The following COL5A3 variants were observed in gnomAD, a reference collection of about 807,000 sequenced individuals.
COL5A3 encodes the protein collagen type V alpha 3 chain.
A neutral mutation model predicts 250.0 loss-of-function variants in COL5A3; 172 were observed. The observed-to-expected ratio is 0.69, with a 90% CI of 0.61 to 0.78. The LOEUF (loss-of-function observed/expected upper bound fraction) is 0.78. Ranked by LOEUF, COL5A3 falls within the 30% of genes least tolerant of loss-of-function variation. The pLI, the probability that COL5A3 is intolerant of heterozygous loss-of-function variation, is 0.00. For missense variants in COL5A3, 2,340 were observed against 2,334.4 expected, an observed-to-expected ratio of 1.00 and a Z score of -0.05; for synonymous variants, 937 against 900.4, an observed-to-expected ratio of 1.04 and a Z score of -0.73.
chr19:9,997,646 T>C (rs1009423365), intron 10 of COL5A3, among the ~76,000 whole-genome samples: 1 of 152,046 alleles, frequency 6.6e-6, no homozygotes, highest in Non-Finnish European at 1.5e-5. Flanking sequence ...CTGTCACCCA[T>C]GCTGGAGTGC....
chr19:9,969,244 T>C (rs922922585), intron 57 of COL5A3, 105 bp downstream of exon 57: 8 of 985,164 alleles, frequency 8.1e-6, no homozygotes, highest in African/African-American at 6.5e-5. Context: ...GACACTCAGA[T>C]GGATGGTCAG....
intron 8 of COL5A3, among the ~76,000 whole-genome samples, chr19:9,999,371 A>AT (rs1174043724): frequency 2.4e-5 from 3 of 126,490 alleles, no homozygotes; most frequent in South Asian, 2.2e-4. Context: ...TTTTTATTTT[A>AT]TTTTTTTGTA....
chr19:10,006,255 T>A, intron 1 of COL5A3, 24 bp from the exon 2 acceptor site: 3 of 1,572,518 alleles, frequency 1.9e-6, no homozygotes, highest in Non-Finnish European at 2.6e-6. Context: ...AAGCCGGGGG[T>A]GTCAGGCAGA....
intron 1 of COL5A3, among the ~76,000 whole-genome samples, chr19:10,007,214 C>T (rs2087456354): frequency 6.6e-6 from 1 of 151,500 alleles, no homozygotes; most frequent in African/African-American, 2.4e-5. Flanking sequence ...CTCCCTCTGA[C>T]ATTCCCTTCT....
intron 1 of COL5A3, among the ~76,000 whole-genome samples, chr19:10,008,772 G>A (rs1390226633): frequency 6.6e-6 from 1 of 152,204 alleles, no homozygotes. Context: ...TGCAACGCTT[G>A]CCGTGAGCTT....
intron 31 of COL5A3, among the ~76,000 whole-genome samples, chr19:9,982,944 C>A (rs73003484): frequency 0.062 from 9,395 of 152,218 alleles, 354 homozygotes; most frequent in African/African-American, 0.088. Context: ...CAGCTTCAAC[C>A]TTTTGGGCTC....
chr19:9,997,184 C>A, intron 11 of COL5A3, 187 bp downstream of exon 11: 1 of 630,936 alleles, frequency 1.6e-6, no homozygotes, highest in African/African-American at 1.8e-5. Flanking sequence ...AAAGAGTAGG[C>A]CCCAGCAACA....
intron 55 of COL5A3, 86 bp from the exon 56 acceptor site, chr19:9,969,768 G>A: frequency 6.4e-7 from 1 of 1,570,606 alleles, no homozygotes; most frequent in Non-Finnish European, 8.7e-7. Flanking sequence ...GGATCGGGAG[G>A]GAGTAGGTGC....
intron 45 of COL5A3, among the ~76,000 whole-genome samples, chr19:9,975,868 G>A (rs1477407063): frequency 2.0e-5 from 3 of 148,568 alleles, no homozygotes; most frequent in African/African-American, 7.5e-5. Flanking sequence ...CATATTGGGT[G>A]TCGGTATTGA....
chr19:9,960,875 C>A lies in COL5A3; in HGVS notation c.4867G>T (p.Ala1623Ser). The A allele has an allele frequency of 6.2e-7, 1 of 1,606,108 alleles. No individual in the cohort carries two copies. The highest frequency in any genetic ancestry group is 8.5e-7 in the Non-Finnish European group (1 of 1,179,968). ...ACGACATTCACTGGGGACCCGTCGG[C>A]GTCCACGTAGGAGAACTGGTGAGAG... ...RRGKKFSYVDADGSPVNVVQL... is the reference protein window; with the variant it reads ...RRGKKFSYVDSDGSPVNVVQL... The change falls in exon 66 of 67, where the codon GCC becomes TCC. Residue 1623 changes from alanine to serine, a missense_variant. Around this residue, in one of 3 missense-constraint regions of COL5A3, gnomAD observed 1,179 missense variants for 1,162.6 expected, o/e 1.01. Transcript: ENST00000264828.
chr19:9,967,065 G>A (rs1404139994), intron 62 of COL5A3, among the ~76,000 whole-genome samples: 1 of 152,104 alleles, frequency 6.6e-6, no homozygotes, highest in Non-Finnish European at 1.5e-5. Flanking sequence ...TATAGACAGA[G>A]ACAGATAAGG....
Position 9,973,590 on chromosome 19 carries a change from G to A in COL5A3, c.3646C>T (p.Pro1216Ser). Residue 1216 changes from proline to serine, a missense_variant, in exon 50 of 67, where the codon CCA becomes TCA. Pro to Ser is a moderately conservative substitution (Grantham distance 74). Transcript: ENST00000264828. ...CTCACCGGGATGCCTGGGGCTCCTG[G>A]AGGCCCTGGGTCTCCAGCGTCCCCT... is the stretch of plus-strand genomic sequence containing the variant. ...ERGDAGDPGP[P>S]GAPGIPGPKG... 1.9e-6 allele frequency: 3 copies of A among 1,612,800 alleles called. No individual in the cohort carries two copies. The highest frequency in any genetic ancestry group is 1.3e-5 in the African/African-American group (1 of 75,008).
chr19:9,965,408 G>A (rs181097066), intron 64 of COL5A3, among the ~76,000 whole-genome samples: 2 of 150,336 alleles, frequency 1.3e-5, no homozygotes, highest in East Asian at 2.0e-4. Context: ...CACCCGCCTC[G>A]GCCTCCCAAA....
intron 44 of COL5A3, 84 bp downstream of exon 44, chr19:9,977,145 C>T (rs1414396577): frequency 1.5e-6 from 2 of 1,343,332 alleles, no homozygotes; most frequent in Non-Finnish European, 2.1e-6. Flanking sequence ...CTCTCCTACC[C>T]CATGGAGAAT....
intron 8 of COL5A3, among the ~76,000 whole-genome samples, 172 bp from the exon 9 acceptor site, chr19:9,998,321 C>T (rs1041282179): frequency 3.3e-5 from 5 of 152,122 alleles, no homozygotes; most frequent in Non-Finnish European, 7.4e-5. Flanking sequence ...AGCTCAGCCC[C>T]CCGCATCCAC....
intron 27 of COL5A3, among the ~76,000 whole-genome samples, chr19:9,988,732 G>C (rs559457694): frequency 3.3e-5 from 5 of 150,486 alleles, no homozygotes; most frequent in South Asian, 2.1e-4. Context: ...TCAGGAAGCT[G>C]AGGCAGTAGA....
intron 16 of COL5A3, among the ~76,000 whole-genome samples, 191 bp downstream of exon 16, chr19:9,995,373 A>C (rs1278960402): frequency 6.6e-6 from 1 of 152,216 alleles, no homozygotes; most frequent in African/African-American, 2.4e-5. Context: ...TCACTCCTGC[A>C]GGCAAGTCCT....
intron 24 of COL5A3, 95 bp downstream of exon 24, chr19:9,991,515 A>G: frequency 3.0e-6 from 3 of 1,012,888 alleles, no homozygotes; most frequent in Non-Finnish European, 4.4e-6. Flanking sequence ...CACTATCCAG[A>G]GCTAACAGAG....
Position 9,979,192 on chromosome 19 carries a change from G to T in COL5A3, c.2814C>A (p.Gly938=). 6.2e-7 allele frequency: 1 copy of T among 1,603,734 alleles called. No homozygotes were observed. Among genetic ancestry groups the T allele is most frequent in the Non-Finnish European group, 8.5e-7 (1 of 1,177,126 alleles). Residue 938 remains glycine (G), a synonymous_variant, in exon 39 of 67, where the codon GGC becomes GGA. Transcript: ENST00000264828. ...VGPLGERGPP[G]PPGPPGEQGL... is the part of the protein sequence containing the mutation. ...CTTGTTCACCAGGAGGTCCAGGGGG[G>T]CCTGGAGGCCCCCTTTCACCTAGAG...
Sources: gnomAD v4.1 joint callset for allele counts (sites outside exome capture counted in the v4.1 genomes callset) on GRCh38, gnomAD v4.1.1 for gene constraint, gnomAD v4.1.1 regional missense constraint, MANE v1.5 for transcripts, NCBI Gene and HGNC (gene_info 2026-07-23, HGNC 2026-07-21) for gene names.